The following TMEM127 variants were observed in gnomAD, a reference collection of about 807,000 sequenced individuals.
TMEM127 encodes the protein transmembrane protein 127.
A neutral mutation model predicts 20.1 loss-of-function variants in TMEM127; 21 were observed. The ratio of observed to expected loss-of-function variants is 1.04; its 90% CI spans 0.74 to 1.50. The LOEUF (loss-of-function observed/expected upper bound fraction) is 1.50, where lower values mean the gene tolerates loss of function less well. TMEM127 is among the 40% of genes most tolerant of loss of function. TMEM127 has a pLI of 0.00. For missense variants in TMEM127, 303 were observed against 317.4 expected, an observed-to-expected ratio of 0.95 and a Z score of 0.34; for synonymous variants, 150 against 144.7, an observed-to-expected ratio of 1.04 and a Z score of -0.26.
chr2:96,264,930 T>C (rs922925607), intron 2 of TMEM127, among the ~76,000 whole-genome samples: 1 of 152,144 alleles, frequency 6.6e-6, no homozygotes, highest in African/African-American at 2.4e-5. Context: ...CGGATTAACA[T>C]GGCTGTGAGG....
intron 2 of TMEM127, among the ~76,000 whole-genome samples, chr2:96,263,814 G>T (rs562965820): frequency 6.6e-6 from 1 of 152,102 alleles, no homozygotes; most frequent in African/African-American, 2.4e-5. Context: ...TGGGTCTAGT[G>T]GTGGGAAGGT....
rs941558634 is a variant in TMEM127, at chr2:96,264,880, A to G, written c.244+258T>C. On this transcript the variant is annotated intron_variant, in intron 2 of 3. Coordinates refer to ENST00000258439, the MANE Select transcript of TMEM127 (RefSeq NM_017849.4). ...GCACCCTTATCTTTTCTCGATACAC[A>G]GCGTCCTTCCTCCAGCAGAATCCTA... 2.9e-4 allele frequency among the ~76,000 whole-genome samples: 44 copies of G among 152,210 alleles called. 1 individual carries two copies. Among genetic ancestry groups the G allele is most frequent in the Middle Eastern group, 6.3e-3 (2 of 316 alleles).
At position 96,250,540 on chromosome 2, in the gene TMEM127, C is replaced by G. The variant is rs1346749654; in HGVS notation, c.*3268G>C. The G allele has an allele frequency of 8.6e-6, 2 of 232,730 alleles. No homozygotes were observed. The highest frequency in any genetic ancestry group is 1.8e-4 in the South Asian group (1 of 5,532). The allele number at this position is 232,730 out of a possible 1,614,324, so 14.4% of individuals were successfully genotyped here. On this transcript the variant is annotated 3_prime_UTR_variant, in exon 4 of 4. Coordinates refer to ENST00000258439, the MANE Select transcript of TMEM127 (RefSeq NM_017849.4). The stretch of plus-strand genomic sequence containing the variant: ...TTCATGGTGCCTAATGGTGCTTTGT[C>G]TGAATGGACATGAAATGAGAACACA...
In TMEM127 at chr2:96,248,529, T is replaced by C. The variant is rs1468012843; in HGVS notation, c.*5279A>G. The C allele has an allele frequency of 5.1e-6, 1 of 196,744 alleles. No individual in the cohort carries two copies. Among genetic ancestry groups the C allele is most frequent in the Non-Finnish European group, 1.1e-5 (1 of 94,920 alleles). 12.2% of individuals were successfully genotyped at this position (196,744 alleles called of 1,614,324 possible). A position where few individuals can be genotyped will look rare whatever the true frequency, so the allele number is the denominator to read the frequency against. ...TAAGAAAAAATGAATGAGACATTCT[T>C]CTTTTATTAAAATAAAACCCATCCA... On this transcript the variant is annotated 3_prime_UTR_variant, in exon 4 of 4. Coordinates refer to ENST00000258439, the MANE Select transcript of TMEM127 (RefSeq NM_017849.4).
At chr2:96,260,625 C>G (rs1684295598) in intron 2 of TMEM127, 1 of 152,260 alleles carries the variant, frequency 6.6e-6, no homozygotes, top group African/African-American at 2.4e-5. Flanking sequence ...GGTGAGTCAC[C>G]AGGCTAGATT....
chr2:96,262,929 T>G (rs1374580179), intron 2 of TMEM127, among the ~76,000 whole-genome samples: 1 of 152,254 alleles, frequency 6.6e-6, no homozygotes, highest in African/African-American at 2.4e-5. Context: ...TCCATCCGCC[T>G]TGGCCTCCCA....
chr2:96,252,836 C>T lies in TMEM127; in HGVS notation c.*972G>A. On this transcript the variant is annotated 3_prime_UTR_variant, in exon 4 of 4. Coordinates refer to ENST00000258439, the MANE Select transcript of TMEM127 (RefSeq NM_017849.4). This position sits in a 1 kb window ranked among gnomAD's most constrained non-coding sequence, Gnocchi z 4.2. The stretch of plus-strand genomic sequence containing the variant: ...AGCCCCTCTGGGTTCCACGAGAAGG[C>T]CCCAGGGAGTCACCGTCACTGAGAG... 1 of 233,920 alleles carries T rather than the reference C, an allele frequency of 4.3e-6. No individual in the cohort carries two copies. The highest frequency in any genetic ancestry group is 2.2e-5 in the African/African-American group (1 of 45,440). 14.5% of individuals were successfully genotyped at this position (233,920 alleles called of 1,614,324 possible). A position where few individuals can be genotyped will look rare whatever the true frequency, so the allele number is the denominator to read the frequency against.
chr2:96,257,334 C>T (rs1259782574), intron 2 of TMEM127, among the ~76,000 whole-genome samples: 2 of 151,910 alleles, frequency 1.3e-5, no homozygotes, highest in Admixed American at 6.6e-5. Flanking sequence ...TGGTGGCGCG[C>T]GCCTGTAGTC....
Position 96,251,821 on chromosome 2 carries a change from G to A in TMEM127, c.*1987C>T, listed in dbSNP as rs15005. The A allele has an allele frequency of 1.2e-4, 29 of 233,150 alleles. No homozygotes were observed. In the South Asian group the frequency reaches 4.9e-3, roughly 39 times the overall value. The allele number at this position is 233,150 out of a possible 1,614,324, so 14.4% of individuals were successfully genotyped here. A position where few individuals can be genotyped will look rare whatever the true frequency, so the allele number is the denominator to read the frequency against. On this transcript the variant is annotated 3_prime_UTR_variant, in exon 4 of 4. Coordinates refer to ENST00000258439, the MANE Select transcript of TMEM127 (RefSeq NM_017849.4). ...GGGGAGTGAATAAAAAGTGGGTTCC[G>A]GATCGTGCGGAACAGTCCACAGGGT...
rs752394201 is a variant in TMEM127 at position 96,251,211 on chromosome 2, TCTAA to T, written c.*2593_*2596del. 42 of 215,326 alleles carry T rather than the reference TCTAA, an allele frequency of 2.0e-4. No individual in the cohort carries two copies. Among genetic ancestry groups the T allele is most frequent in the Non-Finnish European group, 3.7e-4 (39 of 106,796 alleles). 13.3% of individuals were successfully genotyped at this position (215,326 alleles called of 1,614,324 possible). On this transcript the variant is annotated 3_prime_UTR_variant, in exon 4 of 4. Coordinates refer to ENST00000258439, the MANE Select transcript of TMEM127 (RefSeq NM_017849.4). ...CGGAGCTGGCCCATGCCAAGTCCCT[TCTAA>T]CTATTTTAAATTACATCTTTGGCCA...
Position 96,265,609 on chromosome 2 carries a change from C to T in TMEM127, c.-131-97G>A, listed in dbSNP as rs756850018. 9.9e-4 allele frequency: 436 copies of T among 439,980 alleles called. No individual in the cohort carries two copies. The highest frequency in any genetic ancestry group is 1.4e-3 in the Non-Finnish European group (377 of 271,480). The allele number at this position is 439,980 out of a possible 1,614,324, so 27.3% of individuals were successfully genotyped here. A position where few individuals can be genotyped will look rare whatever the true frequency, so the allele number is the denominator to read the frequency against. ...TTCGGGGGGCGGAGACAGGAGACTC[C>T]GGAATGGGACTGCGGGACGACAACC... On this transcript the variant is annotated intron_variant, in intron 1 of 3. Coordinates refer to ENST00000258439, the MANE Select transcript of TMEM127 (RefSeq NM_017849.4).
chr2:96,249,347 C>T lies in TMEM127; in HGVS notation c.*4461G>A, dbSNP rs867904543. 3 of 211,264 alleles carry T rather than the reference C, an allele frequency of 1.4e-5. No homozygotes were observed. Among genetic ancestry groups the T allele is most frequent in the Middle Eastern group, 1.5e-3 (1 of 652 alleles). The allele number at this position is 211,264 out of a possible 1,614,324, so 13.1% of individuals were successfully genotyped here. Reference sequence around the variant, plus strand: ...TCCTGACCTTGTGATCCACCCACCTCGGCCTCCCAAAGTGCTGGGATAATA... The same window carrying T: ...TCCTGACCTTGTGATCCACCCACCTTGGCCTCCCAAAGTGCTGGGATAATA... On this transcript the variant is annotated 3_prime_UTR_variant, in exon 4 of 4. Coordinates refer to ENST00000258439, the MANE Select transcript of TMEM127 (RefSeq NM_017849.4).
chr2:96,253,068 C>T lies in TMEM127; in HGVS notation c.*740G>A. On this transcript the variant is annotated 3_prime_UTR_variant, in exon 4 of 4. Transcript: ENST00000258439. The surrounding 1 kb of genome is among the most constrained non-coding windows in gnomAD (Gnocchi z 4.3). ...TTTCATTTTTTTCCTTTTAAAACCA[C>T]TCATATTTAAAAGGTGAAGGGCTGG... 4.3e-6 allele frequency: 1 copy of T among 233,240 alleles called. No individual in the cohort carries two copies. The allele number at this position is 233,240 out of a possible 1,614,324, so 14.4% of individuals were successfully genotyped here. A position where few individuals can be genotyped will look rare whatever the true frequency, so the allele number is the denominator to read the frequency against.
chr2:96,253,835 G>T lies in TMEM127; in HGVS notation c.690C>A (p.Phe230Leu). ...YPAEYEVINQ[F>L]QPPPAYTP is the part of the protein sequence containing the mutation. Reference sequence around the variant, plus strand: ...AGGGTGTGTAAGCAGGGGGTGGCTGGAACTGGTTGATGACCTCATATTCCG... The same window carrying T: ...AGGGTGTGTAAGCAGGGGGTGGCTGTAACTGGTTGATGACCTCATATTCCG... The change falls in exon 4 of 4, where the codon TTC becomes TTA. Residue 230 changes from phenylalanine to leucine, a missense_variant. Transcript: ENST00000258439. The surrounding 1 kb of genome is among the most constrained non-coding windows in gnomAD (Gnocchi z 4.3). The T allele has an allele frequency of 6.2e-7, 1 of 1,612,408 alleles. No individual in the cohort carries two copies. Among genetic ancestry groups the T allele is most frequent in the Non-Finnish European group, 8.5e-7 (1 of 1,178,620 alleles).
chr2:96,264,898 GA>G, intron 2 of TMEM127, among the ~76,000 whole-genome samples: 1 of 152,200 alleles, frequency 6.6e-6, no homozygotes, highest in East Asian at 1.9e-4. Context: ...TCCTCCAGCA[GA>G]ATCCTAAAAT....
In TMEM127 at chr2:96,265,157, C is replaced by T. The variant is rs1358019729; in HGVS notation, c.225G>A (p.Val75=). The part of the protein sequence containing the change: ...ELGVSDVLGY[V]HPDLLKDFCM... ...CCTCACCTTTCAGCAGGTCCGGGTG[C>T]ACATAGCCCAACACGTCGGAGACCC... The change falls in exon 2 of 4, where the codon GTG becomes GTA. Residue 75 remains valine (V), a synonymous_variant. Coordinates refer to ENST00000258439, the MANE Select transcript of TMEM127 (RefSeq NM_017849.4). The T allele has an allele frequency of 6.2e-7, 1 of 1,611,722 alleles. No individual in the cohort carries two copies. The highest frequency in any genetic ancestry group is 8.5e-7 in the Non-Finnish European group (1 of 1,179,630).
chr2:96,257,679 C>T (rs993084884), intron 2 of TMEM127, among the ~76,000 whole-genome samples: 9 of 152,086 alleles, frequency 5.9e-5, no homozygotes, highest in South Asian at 2.1e-4. Context: ...TTTGGGAGGC[C>T]GAGGTGGGTG....
rs1684074836 is a variant in TMEM127 at position 96,250,936 on chromosome 2, A to AG, written c.*2871dup. ...TTATTAAATAAAATTTAAACAATAG[A>AG]GGGAAAAAAAGTGTAGTTTGTTCTG... is the stretch of plus-strand genomic sequence containing the variant. On this transcript the variant is annotated 3_prime_UTR_variant, in exon 4 of 4. Coordinates refer to ENST00000258439, the MANE Select transcript of TMEM127 (RefSeq NM_017849.4). 1 of 228,822 alleles carries AG rather than the reference A, an allele frequency of 4.4e-6. No homozygotes were observed. Among genetic ancestry groups the AG allele is most frequent in the Non-Finnish European group, 8.7e-6 (1 of 115,290 alleles). 14.2% of individuals were successfully genotyped at this position (228,822 alleles called of 1,614,324 possible).
In TMEM127 at chr2:96,265,498, G is replaced by A; in HGVS notation, c.-117C>T. 8.0e-7 allele frequency: 1 copy of A among 1,248,194 alleles called. No individual in the cohort carries two copies. The highest frequency in any genetic ancestry group is 1.0e-6 in the Non-Finnish European group (1 of 993,402). The allele number at this position is 1,248,194 out of a possible 1,614,324, so 77.3% of individuals were successfully genotyped here. A position where few individuals can be genotyped will look rare whatever the true frequency, so the allele number is the denominator to read the frequency against. ...GCAACGCTCCGGGTTCGCTGCAGGTGAAGCCGGGACTGGGCTGTCAGGGTT... is the reference window on the plus strand; with the variant it reads ...GCAACGCTCCGGGTTCGCTGCAGGTAAAGCCGGGACTGGGCTGTCAGGGTT... On this transcript the variant is annotated 5_prime_UTR_variant, in exon 2 of 4. Coordinates refer to ENST00000258439, the MANE Select transcript of TMEM127 (RefSeq NM_017849.4).
Sources: allele counts gnomAD v4.1 joint callset (sites outside exome capture counted in the v4.1 genomes callset), GRCh38; gene constraint gnomAD v4.1.1; non-coding constraint Gnocchi (gnomAD v3.1); transcripts MANE v1.5; gene names NCBI Gene and HGNC (gene_info 2026-07-23, HGNC 2026-07-21).